Variants in TRA2B observed in about 807,000 individuals in gnomAD.
TRA2B encodes transformer-2 protein homolog beta.
In TRA2B, 14 loss-of-function variants were observed where a neutral mutation model predicts 41.7. The ratio of observed to expected loss-of-function variants is 0.34; its 90% CI spans 0.22 to 0.53. The LOEUF (loss-of-function observed/expected upper bound fraction) is 0.53, where lower values mean the gene tolerates loss of function less well. TRA2B is among the 20% of genes least tolerant of loss of function. TRA2B has a pLI of 0.95. For synonymous variants in TRA2B, 130 were observed against 128.8 expected, an observed-to-expected ratio of 1.01 and a Z score of -0.06; for missense variants, 167 against 396.8, an observed-to-expected ratio of 0.42 and a Z score of 4.92.
chr3:185,925,065 A>G (rs186500723), intron 3 of TRA2B: 4 of 154,412 alleles, frequency 2.6e-5, no homozygotes, highest in Admixed American at 1.9e-4. Context: ...ATGCCTTAAC[A>G]ACACCCAAAA....
intron 1 of TRA2B, chr3:185,936,116 T>C (rs1056325647): frequency 1.1e-5 from 11 of 985,322 alleles, no homozygotes; most frequent in African/African-American, 5.2e-5. Flanking sequence ...TCAAGCATTC[T>C]TCACGTGTAT....
At position 185,915,441 on chromosome 3, in the gene TRA2B, G is replaced by C. The variant is rs1353269161; in HGVS notation, c.*2274C>G. Among the ~76,000 whole-genome samples, 1 of 152,100 alleles carries C rather than the reference G, an allele frequency of 6.6e-6. No individual in the cohort carries two copies. The highest frequency in any genetic ancestry group is 1.5e-5 in the Non-Finnish European group (1 of 68,012). ...CCCATGGCTTTTGTCTGATTCAGCT[G>C]CCCATGGCAGCAGTTACCTAGGGGT... is the stretch of plus-strand genomic sequence containing the variant. On this transcript the variant is annotated 3_prime_UTR_variant, in exon 9 of 9. Coordinates refer to ENST00000453386, the MANE Select transcript of TRA2B (RefSeq NM_004593.3).
rs1743591419 is a variant in TRA2B at position 185,918,515 on chromosome 3, T to C, written c.783-77A>G. ...AAACATATAAATTTATGACTATATATACTGCCCTTTCATCAGTTCCCCAAA... is the reference window on the plus strand; with the variant it reads ...AAACATATAAATTTATGACTATATACACTGCCCTTTCATCAGTTCCCCAAA... On this transcript the variant is annotated intron_variant, in intron 7 of 8. Transcript: ENST00000453386. 32 of 953,610 alleles carry C rather than the reference T, an allele frequency of 3.4e-5. 1 individual carries two copies. In the South Asian group the frequency reaches 5.3e-4, roughly 16 times the overall value. 59.1% of individuals were successfully genotyped at this position (953,610 alleles called of 1,614,324 possible). A position where few individuals can be genotyped will look rare whatever the true frequency, so the allele number is the denominator to read the frequency against.
intron 1 of TRA2B, among the ~76,000 whole-genome samples, chr3:185,930,580 A>C (rs2150117715): frequency 6.6e-6 from 1 of 152,294 alleles, no homozygotes; most frequent in Non-Finnish European, 1.5e-5. Context: ...ACTGGGTAGA[A>C]AACCGCTGGC....
chr3:185,917,738 G>A lies in TRA2B; in HGVS notation c.857-13C>T, dbSNP rs774021662. The A allele has an allele frequency of 1.2e-6, 2 of 1,612,170 alleles. No homozygotes were observed. Among genetic ancestry groups the A allele is most frequent in the Admixed American group, 1.7e-5 (1 of 59,896 alleles). On this transcript the variant is annotated splice_polypyrimidine_tract_variant and intron_variant, in intron 8 of 8. Transcript: ENST00000453386. Reference sequence around the variant, plus strand: ...CTTTAATAGCGACCTGGGAAGAAAAGAATGAACATGCTTTAATATTAAGTG... The same window carrying A: ...CTTTAATAGCGACCTGGGAAGAAAAAAATGAACATGCTTTAATATTAAGTG...
Position 185,923,989 on chromosome 3 carries a change from G to C in TRA2B, c.334-5C>G, listed in dbSNP as rs199801062. The C allele has an allele frequency of 4.4e-6, 7 of 1,578,864 alleles. No individual in the cohort carries two copies. The East Asian group carries it at 1.1e-4, about 25-fold the overall frequency. On this transcript the variant is annotated splice_region_variant and splice_polypyrimidine_tract_variant and intron_variant, in intron 3 of 8. Transcript: ENST00000453386. ...ACAGTTAGGATCAGGATTTGCCTAG[G>C]GAAAAAAAAAAGTTTTAAACTTTGG...
rs780030231 is a variant in TRA2B, at chr3:185,921,982, A to G, written c.638+29T>C. The G allele has an allele frequency of 2.5e-5, 38 of 1,548,834 alleles. No individual in the cohort carries two copies. In the South Asian group the frequency reaches 3.3e-4, roughly 13 times the overall value. ...TTTCTTTGACAAGTGAAAAACTGCCAATTATATTTATTTTGAAAATAAACT... is the reference window on the plus strand; with the variant it reads ...TTTCTTTGACAAGTGAAAAACTGCCGATTATATTTATTTTGAAAATAAACT... On this transcript the variant is annotated intron_variant, in intron 5 of 8. Transcript: ENST00000453386.
intron 7 of TRA2B, 26 bp from the exon 8 acceptor site, chr3:185,918,464 A>G (rs1743588807): frequency 6.5e-7 from 1 of 1,527,358 alleles, no homozygotes; most frequent in African/African-American, 1.4e-5. Flanking sequence ...AAGATTGTCT[A>G]AGTCTCAATA....
At chr3:185,926,888 A>T in intron 1 of TRA2B, 154 bp from the exon 2 acceptor site, 1 of 823,160 alleles carries the variant, frequency 1.2e-6, no homozygotes, top group Non-Finnish European at 1.8e-6. Flanking sequence ...TGGTGTTAAT[A>T]GTTTCATTGC....
chr3:185,918,483 T>C (rs1046486266), intron 7 of TRA2B, 45 bp from the exon 8 acceptor site: 1 of 1,374,980 alleles, frequency 7.3e-7, no homozygotes, highest in Non-Finnish European at 1.0e-6. Context: ...TAGATCACAA[T>C]TAGACCAAAC....
Position 185,915,403 on chromosome 3 carries a change from A to T in TRA2B, c.*2312T>A, listed in dbSNP as rs930988954. ...CCTTGAGGCAGTAACTTTAAGACTC[A>T]AATTTATCCTTTCCCATGGCTTTTG... On this transcript the variant is annotated 3_prime_UTR_variant, in exon 9 of 9. Coordinates refer to ENST00000453386, the MANE Select transcript of TRA2B (RefSeq NM_004593.3). Among the ~76,000 whole-genome samples, 3 of 152,190 alleles carry T rather than the reference A, an allele frequency of 2.0e-5. No homozygotes were observed. The highest frequency in any genetic ancestry group is 4.8e-5 in the African/African-American group (2 of 41,456).
intron 1 of TRA2B, chr3:185,936,458 G>A (rs1261652824): frequency 1.0e-6 from 1 of 985,216 alleles, no homozygotes; most frequent in Admixed American, 6.2e-5. Context: ...TAAACGCAAG[G>A]CTTGATTAGT....
chr3:185,927,513 C>G (rs1407835173), intron 1 of TRA2B: 1 of 152,210 alleles, frequency 6.6e-6, no homozygotes, highest in Non-Finnish European at 1.5e-5. Flanking sequence ...CCTAACTTAC[C>G]TAGTTACTTA....
At chr3:185,936,756 A>G in intron 1 of TRA2B, 1 of 985,072 alleles carries the variant, frequency 1.0e-6, no homozygotes, top group Non-Finnish European at 1.2e-6. Context: ...TCACCCTTCT[A>G]ACAGATTCCT....
chr3:185,936,625 T>C, intron 1 of TRA2B: 1 of 985,268 alleles, frequency 1.0e-6, no homozygotes, highest in African/African-American at 1.7e-5. Flanking sequence ...ATAAATCATA[T>C]TCAGATCTTA....
At chr3:185,925,267 G>A in intron 3 of TRA2B, 197 bp downstream of exon 3, 1 of 530,404 alleles carries the variant, frequency 1.9e-6, no homozygotes, top group Non-Finnish European at 3.2e-6. Context: ...TCAGTATTAT[G>A]CTTAATTGAC....
At position 185,921,877 on chromosome 3, in the gene TRA2B, T is replaced by C. The variant is rs1743753177; in HGVS notation, c.638+134A>G. The C allele has an allele frequency of 5.3e-6, 3 of 566,788 alleles. No individual in the cohort carries two copies. The South Asian group carries it at 8.1e-5, about 15-fold the overall frequency. 35.1% of individuals were successfully genotyped at this position (566,788 alleles called of 1,614,324 possible). A position where few individuals can be genotyped will look rare whatever the true frequency, so the allele number is the denominator to read the frequency against. On this transcript the variant is annotated intron_variant, in intron 5 of 8. Coordinates refer to ENST00000453386, the MANE Select transcript of TRA2B (RefSeq NM_004593.3). The stretch of plus-strand genomic sequence containing the variant: ...AACTTCTACTATGAGAAAAATGCCC[T>C]AATGAGGAGCATTTAATCAATCAAC...
chr3:185,937,286 C>A (rs1238725360), intron 1 of TRA2B: 1 of 986,790 alleles, frequency 1.0e-6, no homozygotes. Flanking sequence ...TCCGTGGAGG[C>A]AAAGACGGTC....
chr3:185,921,799 CA>C (rs1489192341), intron 5 of TRA2B, among the ~76,000 whole-genome samples: 1 of 152,016 alleles, frequency 6.6e-6, no homozygotes, highest in Non-Finnish European at 1.5e-5. Flanking sequence ...CAACAACAAA[CA>C]AAAAATTTAA....
Sources: allele counts gnomAD v4.1 joint callset (sites outside exome capture counted in the v4.1 genomes callset), GRCh38; gene constraint gnomAD v4.1.1; transcripts MANE v1.5; gene names NCBI Gene and HGNC (gene_info 2026-07-23, HGNC 2026-07-21).